KY: variants seen among roughly 807,000 people sequenced by gnomAD.
KY encodes the protein kyphoscoliosis peptidase.
In KY, 43 loss-of-function variants were observed where a neutral mutation model predicts 76.1. The observed-to-expected ratio is 0.57, with a 90% confidence interval of 0.44 to 0.73. The LOEUF (loss-of-function observed/expected upper bound fraction) is 0.73. Among genes scored for constraint, KY ranks in the 30% least tolerant of loss-of-function variants. The pLI, the probability that KY is intolerant of heterozygous loss-of-function variation, is 0.00. For missense variants in KY, 722 were observed against 828.9 expected, an observed-to-expected ratio of 0.87 and a Z score of 1.58; for synonymous variants, 277 against 326.2, an observed-to-expected ratio of 0.85 and a Z score of 1.63.
Position 134,642,487 on chromosome 3 carries a change from TGGGG to T in KY, c.262+825_262+828del, listed in dbSNP as rs1965888060. On this transcript the variant is annotated intron_variant, in intron 3 of 10. Transcript: ENST00000423778. The stretch of plus-strand genomic sequence containing the variant: ...ACCTGGCCTCCTGTCACCATTGCTG[TGGGG>T]CCCTCCTGTCTCTATCTTGTCGTGT... 1.3e-5 allele frequency among the ~76,000 whole-genome samples: 2 copies of T among 151,910 alleles called. 1 individual carries two copies. Among genetic ancestry groups the T allele is most frequent in the Non-Finnish European group, 2.9e-5 (2 of 67,998 alleles).
intron 3 of KY, among the ~76,000 whole-genome samples, chr3:134,642,707 C>CA (rs1199214027): frequency 3.3e-5 from 5 of 152,132 alleles, no homozygotes; most frequent in Non-Finnish European, 7.4e-5. Flanking sequence ...TGCTATTGGT[C>CA]AGGACAAGGG....
chr3:134,620,666 C>T (rs943395553), intron 7 of KY, 83 bp downstream of exon 7: 26 of 958,662 alleles, frequency 2.7e-5, no homozygotes, highest in Middle Eastern at 4.1e-4. Flanking sequence ...ACTCTGCACA[C>T]GTGAATAAGC....
intron 4 of KY, among the ~76,000 whole-genome samples, chr3:134,628,905 C>T (rs1235545865): frequency 1.3e-5 from 2 of 152,214 alleles, no homozygotes; most frequent in Non-Finnish European, 2.9e-5. Context: ...CTGATGACTA[C>T]AGGACCAGAC....
chr3:134,627,817 AC>A lies in KY; in HGVS notation c.338del (p.Arg113LeufsTer30), dbSNP rs1560124494. On this transcript the variant is annotated frameshift_variant and splice_region_variant, in exon 5 of 11. Transcript: ENST00000423778. LOFTEE classifies it high-confidence loss of function. ...QLLKKFSLAK[R>X]LQGDKNGNTR... The stretch of plus-strand genomic sequence containing the variant: ...TGTTTCCATTTTTATCACCTTGTAA[AC>A]CTACAATATTCCAAAGATCAGAAGT... The A allele has an allele frequency of 6.2e-7, 1 of 1,612,164 alleles. No homozygotes were observed. The highest frequency in any genetic ancestry group is 8.5e-7 in the Non-Finnish European group (1 of 1,178,236).
At chr3:134,622,866 C>A (rs549923898) in intron 6 of KY, among the ~76,000 whole-genome samples, 48 of 152,222 alleles carry the variant, frequency 3.2e-4, no homozygotes, top group African/African-American at 1.1e-3. Context: ...ACTCCAGGAC[C>A]TTGTTTTTAG....
At chr3:134,633,651 T>A (rs1964532147) in intron 3 of KY, among the ~76,000 whole-genome samples, 1 of 152,132 alleles carries the variant, frequency 6.6e-6, no homozygotes, top group Non-Finnish European at 1.5e-5. Context: ...AACAGCATAT[T>A]TAATGGTGAA....
intron 1 of KY, among the ~76,000 whole-genome samples, chr3:134,649,787 TA>T (rs1360616373): frequency 2.0e-5 from 3 of 152,194 alleles, no homozygotes; most frequent in Non-Finnish European, 4.4e-5. Flanking sequence ...ACAGCAGCAT[TA>T]CTTAAGCAAG....
At chr3:134,650,277 C>T (rs1464127647) in intron 1 of KY, among the ~76,000 whole-genome samples, 1 of 152,228 alleles carries the variant, frequency 6.6e-6, no homozygotes, top group Non-Finnish European at 1.5e-5. Flanking sequence ...TCCAAACCTG[C>T]GTTCCTTTTA....
rs1959012096 is a variant in KY at position 134,602,491 on chromosome 3, A to C, written c.*1088T>G. ...ACAGGCACAAAAGCTGCTCTCGTGCAGCTGGAATTCTTCCCAGCCCTGGCT... is the reference window on the plus strand; with the variant it reads ...ACAGGCACAAAAGCTGCTCTCGTGCCGCTGGAATTCTTCCCAGCCCTGGCT... On this transcript the variant is annotated 3_prime_UTR_variant, in exon 11 of 11. Transcript: ENST00000423778. 1.3e-5 allele frequency among the ~76,000 whole-genome samples: 2 copies of C among 152,146 alleles called. No individual in the cohort carries two copies. Among genetic ancestry groups the C allele is most frequent in the Admixed American group, 1.3e-4 (2 of 15,282 alleles).
At chr3:134,606,487 G>T (rs2107747617) in intron 10 of KY, among the ~76,000 whole-genome samples, 1 of 152,254 alleles carries the variant, frequency 6.6e-6, no homozygotes, top group East Asian at 1.9e-4. Context: ...TGTCCCCGTG[G>T]CAAAGCAGCC....
At chr3:134,608,129 C>A (rs994694763) in intron 10 of KY, 4 of 1,129,948 alleles carry the variant, frequency 3.5e-6, no homozygotes, top group South Asian at 2.1e-5. Context: ...CTGGTTGGAC[C>A]ACCAACACCC....
intron 4 of KY, chr3:134,628,183 C>A: frequency 3.8e-6 from 1 of 264,954 alleles, no homozygotes; most frequent in Non-Finnish European, 7.3e-6. Context: ...CCAGATAATG[C>A]CGGGATAAGA....
intron 7 of KY, among the ~76,000 whole-genome samples, chr3:134,619,775 T>G (rs1397348269): frequency 6.6e-6 from 1 of 152,204 alleles, no homozygotes; most frequent in East Asian, 1.9e-4. Context: ...TCTCTGTAGC[T>G]ATTGAGGACC....
At chr3:134,649,766 C>T (rs1034885112) in intron 1 of KY, among the ~76,000 whole-genome samples, 1 of 152,206 alleles carries the variant, frequency 6.6e-6, no homozygotes, top group Admixed American at 6.5e-5. Flanking sequence ...CTGGTAGTGG[C>T]AAGGCCATCC....
At chr3:134,636,485 A>G (rs1225488536) in intron 3 of KY, among the ~76,000 whole-genome samples, 2 of 152,226 alleles carry the variant, frequency 1.3e-5, no homozygotes, top group Non-Finnish European at 2.9e-5. Flanking sequence ...GATCCCAGCC[A>G]TAACAGCCAT....
At chr3:134,610,486 T>C (rs1462225212) in intron 8 of KY, 103 bp from the exon 9 acceptor site, 3 of 941,898 alleles carry the variant, frequency 3.2e-6, no homozygotes, top group Admixed American at 4.8e-5. Flanking sequence ...CCATCAGTCC[T>C]CCCTGTCTAT....
At chr3:134,630,558 A>G (rs1964077908) in intron 3 of KY, among the ~76,000 whole-genome samples, 1 of 152,234 alleles carries the variant, frequency 6.6e-6, no homozygotes, top group Non-Finnish European at 1.5e-5. Context: ...AATTCCATAA[A>G]GTTGTAGATG....
intron 9 of KY, 108 bp from the exon 10 acceptor site, chr3:134,608,947 A>G (rs1222440143): frequency 9.4e-6 from 12 of 1,281,436 alleles, no homozygotes; most frequent in East Asian, 5.1e-5. Context: ...AAGAGGCACC[A>G]TCTCCGACCC....
At chr3:134,645,138 G>A (rs1367601467) in intron 2 of KY, among the ~76,000 whole-genome samples, 2 of 152,228 alleles carry the variant, frequency 1.3e-5, no homozygotes, top group African/African-American at 2.4e-5. Flanking sequence ...CTGTCCCTGT[G>A]CTACTAGGCA....
Sources: gnomAD v4.1 joint callset for allele counts (sites outside exome capture counted in the v4.1 genomes callset) on GRCh38, gnomAD v4.1.1 for gene constraint, MANE v1.5 for transcripts, NCBI Gene and HGNC (gene_info 2026-07-23, HGNC 2026-07-21) for gene names.